The following MINDY4 variants were observed in gnomAD, a reference collection of about 807,000 sequenced individuals.
MINDY4 encodes the protein MINDY lysine 48 deubiquitinase 4, also known as probable ubiquitin carboxyl-terminal hydrolase MINDY-4.
A neutral mutation model predicts 87.0 loss-of-function variants in MINDY4; 68 were observed. The ratio of observed to expected loss-of-function variants is 0.78; its 90% CI spans 0.64 to 0.96. The LOEUF (loss-of-function observed/expected upper bound fraction) is 0.96. Ranked by LOEUF, MINDY4 falls within the 40% of genes least tolerant of loss-of-function variation. MINDY4 has a pLI of 0.00. For missense variants in MINDY4, 919 were observed against 928.2 expected (o/e 0.99, Z 0.13); for synonymous variants, 379 against 363.2 (o/e 1.04, Z -0.50).
chr7:30,840,358 G>A (rs1788993303), intron 8 of MINDY4, among the ~76,000 whole-genome samples: 1 of 152,238 alleles, frequency 6.6e-6, no homozygotes, highest in Non-Finnish European at 1.5e-5. Flanking sequence ...GAGATGGTCA[G>A]GAAAGGCTTC....
Position 30,781,955 on chromosome 7 carries a change from T to G in MINDY4, c.184-22T>G, listed in dbSNP as rs527550658. 4.6e-5 allele frequency: 71 copies of G among 1,548,370 alleles called. No individual in the cohort carries two copies. The South Asian group carries it at 7.5e-4, about 16-fold the overall frequency. The stretch of plus-strand genomic sequence containing the variant: ...TGAAGCTGTATATAAATTAATGATT[T>G]TTTTTTCTCTCCCAATGATAGGCAA... On this transcript the variant is annotated intron_variant, in intron 2 of 17. Coordinates refer to ENST00000265299, the MANE Select transcript of MINDY4 (RefSeq NM_032222.3).
chr7:30,852,008 T>TTC (rs992204939), intron 10 of MINDY4, among the ~76,000 whole-genome samples: 41 of 152,204 alleles, frequency 2.7e-4, no homozygotes, highest in African/African-American at 9.9e-4. Context: ...TCTTTTTTTT[T>TTC]TCTTTTAAAT....
At chr7:30,872,927 G>T (rs1336107513) in intron 14 of MINDY4, among the ~76,000 whole-genome samples, 1 of 152,232 alleles carries the variant, frequency 6.6e-6, no homozygotes, top group African/African-American at 2.4e-5. Flanking sequence ...TTCTCCCCAT[G>T]ATGAGGCCTC....
At chr7:30,868,504 T>C (rs1790006259) in intron 13 of MINDY4, among the ~76,000 whole-genome samples, 1 of 152,220 alleles carries the variant, frequency 6.6e-6, no homozygotes. Flanking sequence ...GCAGAGCCTC[T>C]TCCCCTTCCG....
At chr7:30,776,448 CCCCACA>C (rs1436343672) in intron 1 of MINDY4, among the ~76,000 whole-genome samples, 2 of 152,150 alleles carry the variant, frequency 1.3e-5, no homozygotes, top group African/African-American at 4.8e-5. Context: ...AGCAGCGCAT[CCCCACA>C]CCCACCCTAG....
intron 6 of MINDY4, among the ~76,000 whole-genome samples, chr7:30,830,435 T>G (rs771115835): frequency 1.3e-5 from 2 of 152,186 alleles, no homozygotes; most frequent in African/African-American, 2.4e-5. Flanking sequence ...TGAGTAATTT[T>G]TAAAGGAAAG....
intron 13 of MINDY4, among the ~76,000 whole-genome samples, chr7:30,863,375 G>A (rs775919256): frequency 6.6e-6 from 1 of 152,222 alleles, no homozygotes; most frequent in Non-Finnish European, 1.5e-5. Flanking sequence ...GTGTGCGGAT[G>A]GGAGAGATTG....
intron 15 of MINDY4, 60 bp from the exon 16 acceptor site, chr7:30,882,121 A>G (rs1346173934): frequency 2.8e-5 from 43 of 1,512,078 alleles, no homozygotes; most frequent in Non-Finnish European, 3.6e-5. Context: ...TCAGACAGAA[A>G]AATGCCCGGA....
chr7:30,854,421 C>A (rs1789512103), intron 12 of MINDY4, among the ~76,000 whole-genome samples: 1 of 152,152 alleles, frequency 6.6e-6, no homozygotes, highest in Admixed American at 6.5e-5. Flanking sequence ...TCCTTGTAGA[C>A]ATGTAGAAAT....
chr7:30,839,542 A>T (rs976646746), intron 8 of MINDY4, among the ~76,000 whole-genome samples: 2 of 152,202 alleles, frequency 1.3e-5, no homozygotes, highest in African/African-American at 4.8e-5. Context: ...AAAATTGAAC[A>T]TGGATTTAAG....
At chr7:30,830,574 G>A (rs1385228679) in intron 6 of MINDY4, among the ~76,000 whole-genome samples, 2 of 152,132 alleles carry the variant, frequency 1.3e-5, no homozygotes, top group Admixed American at 6.6e-5. Flanking sequence ...GCAAAAGGGG[G>A]AAAAGTCCCT....
At chr7:30,840,524 C>G (rs1788998093) in intron 8 of MINDY4, among the ~76,000 whole-genome samples, 1 of 152,196 alleles carries the variant, frequency 6.6e-6, no homozygotes, top group Non-Finnish European at 1.5e-5. Context: ...ACTTTCCTCC[C>G]ATGACACACT....
At chr7:30,783,427 A>G (rs762705940) in intron 3 of MINDY4, among the ~76,000 whole-genome samples, 3 of 152,172 alleles carry the variant, frequency 2.0e-5, no homozygotes, top group Non-Finnish European at 4.4e-5. Flanking sequence ...TAGCCCACTT[A>G]CATAGTTAAC....
chr7:30,798,468 C>T (rs1329389028), intron 5 of MINDY4, among the ~76,000 whole-genome samples: 1 of 151,966 alleles, frequency 6.6e-6, no homozygotes, highest in African/African-American at 2.4e-5. Flanking sequence ...GTCATTGGGC[C>T]ATAATTTATA....
At chr7:30,851,763 C>T (rs957553711) in intron 10 of MINDY4, among the ~76,000 whole-genome samples, 4 of 152,338 alleles carry the variant, frequency 2.6e-5, no homozygotes, top group South Asian at 2.1e-4. Flanking sequence ...GCCCCAAACC[C>T]GGCTCCGATT....
intron 9 of MINDY4, among the ~76,000 whole-genome samples, chr7:30,841,202 T>G (rs1192952008): frequency 6.6e-6 from 1 of 152,046 alleles, no homozygotes; most frequent in African/African-American, 2.4e-5. Context: ...CTCCCTTCCC[T>G]CCCCACGCTA....
At chr7:30,862,345 T>C (rs10246219) in intron 13 of MINDY4, among the ~76,000 whole-genome samples, 18,597 of 152,278 alleles carry the variant, frequency 0.12, 2,718 homozygotes, top group African/African-American at 0.35. Flanking sequence ...TCAGATAATG[T>C]GCTAGCATTC....
chr7:30,790,436 A>G (rs531885097), intron 4 of MINDY4, among the ~76,000 whole-genome samples: 1 of 149,362 alleles, frequency 6.7e-6, no homozygotes, highest in East Asian at 1.9e-4. Context: ...TTTCATTTTC[A>G]GAGGTTTTGG....
chr7:30,781,635 T>G, intron 2 of MINDY4: 1 of 227,792 alleles, frequency 4.4e-6, no homozygotes, highest in Non-Finnish European at 8.6e-6. Flanking sequence ...AATGAAGGGA[T>G]ATATATTTTA....
Sources: gnomAD v4.1 joint callset for allele counts (sites outside exome capture counted in the v4.1 genomes callset) on GRCh38, gnomAD v4.1.1 for gene constraint, MANE v1.5 for transcripts, NCBI Gene and HGNC (gene_info 2026-07-23, HGNC 2026-07-21) for gene names.